The following HACD3 variants were observed in gnomAD, a reference collection of about 807,000 sequenced individuals.
HACD3 encodes the protein 3-hydroxyacyl-CoA dehydratase 3.
Under a neutral mutation model 55.2 loss-of-function variants are expected in HACD3, and 30 were observed. The ratio of observed to expected loss-of-function variants is 0.54; its 90% CI spans 0.41 to 0.74. The LOEUF is 0.74. HACD3 is among the 30% of genes least tolerant of loss of function. HACD3 has a pLI of 0.00. For missense variants in HACD3, 363 were observed against 440.1 expected (o/e 0.82, Z 1.57); for synonymous variants, 141 against 151.7 (o/e 0.93, Z 0.52).
chr15:65,556,392 C>T (rs552413500), intron 3 of HACD3, among the ~76,000 whole-genome samples: 16 of 152,270 alleles, frequency 1.1e-4, no homozygotes, highest in Admixed American at 3.3e-4. Context: ...ATAGAGTTCA[C>T]GCTCCTATGT....
rs564488234 is a variant in HACD3 at position 65,576,292 on chromosome 15, T to C, written c.1013-11T>C. ...GACTCTAATTTCTAATTGACCTCTTTTCTTTTTCAGGTTTATACATAAATT... is the reference window on the plus strand; with the variant it reads ...GACTCTAATTTCTAATTGACCTCTTCTCTTTTTCAGGTTTATACATAAATT... On this transcript the variant is annotated splice_polypyrimidine_tract_variant and intron_variant, in intron 10 of 10. Coordinates refer to ENST00000261875, the MANE Select transcript of HACD3 (RefSeq NM_016395.4). 12 of 1,584,298 alleles carry C rather than the reference T, an allele frequency of 7.6e-6. No individual in the cohort carries two copies. The South Asian group carries it at 1.0e-4, about 14-fold the overall frequency.
chr15:65,562,660 C>A, intron 5 of HACD3, 114 bp from the exon 6 acceptor site: 1 of 1,406,190 alleles, frequency 7.1e-7, no homozygotes, highest in Non-Finnish European at 9.5e-7. Flanking sequence ...TGTGTGGGAG[C>A]TTAGGAGCAT....
At chr15:65,571,762 G>C in intron 9 of HACD3, 108 bp downstream of exon 9, 1 of 845,128 alleles carries the variant, frequency 1.2e-6, no homozygotes, top group Non-Finnish European at 1.8e-6. Context: ...GGAAATGTTG[G>C]ATTTTTCAGG....
chr15:65,558,779 G>A lies in HACD3; in HGVS notation c.421+48G>A, dbSNP rs774039160. ...TAGTTACCAGTTAACTTGTGCTAGT[G>A]TTGGAAGTATGGATAATTGTGATGT... On this transcript the variant is annotated intron_variant, in intron 5 of 10. Transcript: ENST00000261875. 7.7e-6 allele frequency: 12 copies of A among 1,550,324 alleles called. No homozygotes were observed. The Admixed American group carries it at 2.2e-4, about 29-fold the overall frequency.
chr15:65,570,186 T>C lies in HACD3; in HGVS notation c.756T>C (p.Ser252=). The change falls in exon 8 of 11, where the codon AGT becomes AGC. Residue 252 remains serine, a synonymous_variant. Transcript: ENST00000261875. ...TTTTCTTTGTGTTTTATTTGTGGAG[T>C]GCAATTGAAATTTTCAGGTGGGTAG... ...AVVFFVFYLW[S]AIEIFRYSFY... 6.2e-7 allele frequency: 1 copy of C among 1,610,004 alleles called. No individual in the cohort carries two copies. The highest frequency in any genetic ancestry group is 8.5e-7 in the Non-Finnish European group (1 of 1,176,742).
chr15:65,560,886 GT>G (rs1348675501), intron 5 of HACD3, among the ~76,000 whole-genome samples: 1 of 150,970 alleles, frequency 6.6e-6, no homozygotes, highest in African/African-American at 2.4e-5. Context: ...GCCTAATGTC[GT>G]TTTTTCACCT....
intron 10 of HACD3, among the ~76,000 whole-genome samples, chr15:65,575,098 A>G (rs1012473055): frequency 7.9e-5 from 12 of 152,298 alleles, no homozygotes; most frequent in African/African-American, 2.6e-4. Flanking sequence ...CTTATTCTTT[A>G]GAATGAAATA....
chr15:65,540,316 G>C (rs925415093), intron 1 of HACD3, among the ~76,000 whole-genome samples: 1 of 152,214 alleles, frequency 6.6e-6, no homozygotes, highest in East Asian at 1.9e-4. Flanking sequence ...ACATATAAAG[G>C]CACTACCTTC....
intron 1 of HACD3, among the ~76,000 whole-genome samples, chr15:65,540,463 C>T (rs1460070942): frequency 6.6e-6 from 1 of 152,146 alleles, no homozygotes; most frequent in Non-Finnish European, 1.5e-5. Context: ...GGAAGGCTTC[C>T]TTGAAGAGGT....
In HACD3 at chr15:65,554,915, T is replaced by C. The variant is rs752570715; in HGVS notation, c.159T>C (p.Asn53=). 3.1e-6 allele frequency: 5 copies of C among 1,612,476 alleles called. No individual in the cohort carries two copies. In the African/African-American group the frequency reaches 5.3e-5, roughly 17 times the overall value. The change falls in exon 3 of 11, where the codon AAT becomes AAC. Residue 53 remains asparagine, a synonymous_variant. Transcript: ENST00000261875. ...AAGGACATGGTGCCAAAGGAGACAATGTCTATGAATTTCACCTGGAGTTCT... is the reference window on the plus strand; with the variant it reads ...AAGGACATGGTGCCAAAGGAGACAACGTCTATGAATTTCACCTGGAGTTCT... ...KAQGHGAKGD[N]VYEFHLEFLD...
intron 5 of HACD3, among the ~76,000 whole-genome samples, chr15:65,560,908 A>G (rs1352691627): frequency 6.6e-6 from 1 of 151,536 alleles, no homozygotes; most frequent in African/African-American, 2.4e-5. Context: ...TGAAAGTTTC[A>G]CAAGACATTA....
rs1334666090 is a variant in HACD3 at position 65,530,553 on chromosome 15, C to T, written c.-79C>T. ...AGCGCTAGGGTTTGAGGCCTGCTTT[C>T]TGCTCGCGCCAGCAGAGCACTACCT... On this transcript the variant is annotated 5_prime_UTR_variant, in exon 1 of 11. Transcript: ENST00000261875. The T allele has an allele frequency of 1.5e-6, 2 of 1,343,710 alleles. No homozygotes were observed. Among genetic ancestry groups the T allele is most frequent in the African/African-American group, 1.5e-5 (1 of 66,286 alleles). 83.2% of individuals were successfully genotyped at this position (1,343,710 alleles called of 1,614,324 possible).
intron 1 of HACD3, among the ~76,000 whole-genome samples, chr15:65,540,765 C>T (rs1475290890): frequency 6.6e-6 from 1 of 152,092 alleles, no homozygotes; most frequent in Admixed American, 6.6e-5. Flanking sequence ...AGAGAAGTGA[C>T]TTTGTAGGAT....
intron 9 of HACD3, 77 bp downstream of exon 9, chr15:65,571,731 C>T: frequency 8.8e-7 from 1 of 1,135,186 alleles, no homozygotes; most frequent in Admixed American, 2.3e-5. Context: ...TCCTTTCTTC[C>T]CCGGCCTTAG....
chr15:65,540,922 T>C (rs1178286673), intron 1 of HACD3, among the ~76,000 whole-genome samples: 1 of 152,168 alleles, frequency 6.6e-6, no homozygotes, highest in African/African-American at 2.4e-5. Context: ...TGGAAAGCCA[T>C]GGACACATTT....
intron 1 of HACD3, among the ~76,000 whole-genome samples, chr15:65,532,394 G>A (rs2071910306): frequency 1.3e-5 from 2 of 152,176 alleles, no homozygotes; most frequent in South Asian, 4.1e-4. Context: ...GGGAGGCCGA[G>A]GCGGGAGGAT....
In HACD3 at chr15:65,567,961, C is replaced by T. The variant is rs575265698; in HGVS notation, c.661-2130C>T. Among the ~76,000 whole-genome samples, 110 of 150,006 alleles carry T rather than the reference C, an allele frequency of 7.3e-4. 1 individual carries two copies. Among genetic ancestry groups the T allele is most frequent in the African/African-American group, 2.3e-3 (94 of 40,788 alleles). Reference sequence around the variant, plus strand: ...TTTTTTTTTGAGAGTCTCGCCCTGTCGCCCAAGCTGGAGTGCAGTGGCACA... The same window carrying T: ...TTTTTTTTTGAGAGTCTCGCCCTGTTGCCCAAGCTGGAGTGCAGTGGCACA... On this transcript the variant is annotated intron_variant, in intron 7 of 10. Transcript: ENST00000261875.
intron 1 of HACD3, chr15:65,531,220 G>A (rs1223128644): frequency 6.6e-6 from 1 of 152,280 alleles, no homozygotes; most frequent in Non-Finnish European, 1.5e-5. Context: ...GGGAGGGGGA[G>A]GGGTGGGGGG....
rs2072402072 is a variant in HACD3 at position 65,576,432 on chromosome 15, A to G, written c.*53A>G. The G allele has an allele frequency of 6.6e-7, 1 of 1,513,740 alleles. No individual in the cohort carries two copies. Among genetic ancestry groups the G allele is most frequent in the African/African-American group, 1.4e-5 (1 of 70,950 alleles). The allele number at this position is 1,513,740 out of a possible 1,614,324, so 93.8% of individuals were successfully genotyped here. The stretch of plus-strand genomic sequence containing the variant: ...AGTTTGAGCCTAATCTGATTCTTAC[A>G]GTTTTACCTTCTTGAACCAATGTAA... On this transcript the variant is annotated 3_prime_UTR_variant, in exon 11 of 11. Coordinates refer to ENST00000261875, the MANE Select transcript of HACD3 (RefSeq NM_016395.4).
Sources: gnomAD v4.1 joint callset for allele counts (sites outside exome capture counted in the v4.1 genomes callset) on GRCh38, gnomAD v4.1.1 for gene constraint, MANE v1.5 for transcripts, NCBI Gene and HGNC (gene_info 2026-07-23, HGNC 2026-07-21) for gene names.